EAF1: variants seen among roughly 807,000 people sequenced by gnomAD.
EAF1 encodes ELL associated factor 1.
EAF1 carries 19 observed loss-of-function variants against 26.6 expected under a neutral mutation model. That is an observed-to-expected ratio of 0.71 (90% CI 0.50 to 1.05). The LOEUF (loss-of-function observed/expected upper bound fraction) is 1.05. Ranked by LOEUF, EAF1 falls within the 50% of genes least tolerant of loss-of-function variation. The probability of loss-of-function intolerance (pLI) is 0.00; values close to 1 mark genes in which losing one functional copy is unlikely to be tolerated. For synonymous variants in EAF1, 102 were observed against 120.6 expected, an observed-to-expected ratio of 0.85 and a Z score of 1.01; for missense variants, 260 against 335.5, an observed-to-expected ratio of 0.78 and a Z score of 1.76.
intron 3 of EAF1, chr3:15,433,319 C>T (rs1293565945): frequency 2.0e-5 from 3 of 152,276 alleles, no homozygotes; most frequent in Non-Finnish European, 4.4e-5. Flanking sequence ...AGAGTCCTTG[C>T]TCCTGTCCTG....
At chr3:15,429,337 T>TA (rs942094805) in intron 1 of EAF1, among the ~76,000 whole-genome samples, 119 of 145,974 alleles carry the variant, frequency 8.2e-4, no homozygotes, top group African/African-American at 1.4e-3. Context: ...CCATCACTAT[T>TA]AAAAAAAAAA....
In EAF1 at chr3:15,435,558, A is replaced by G. The variant is rs138504994; in HGVS notation, c.527-784A>G. The stretch of plus-strand genomic sequence containing the variant: ...AATAGGAATCAGAGCATGAGTGGTT[A>G]GTTGTTGCCAATTATGCTTAAAGGA... On this transcript the variant is annotated intron_variant, in intron 4 of 5. Transcript: ENST00000396842. 4.6e-3 allele frequency among the ~76,000 whole-genome samples: 697 copies of G among 152,026 alleles called. 5 individuals are homozygous for G. The highest frequency in any genetic ancestry group is 0.016 in the African/African-American group (656 of 41,436).
chr3:15,438,308 A>T (rs1326887809), intron 5 of EAF1, among the ~76,000 whole-genome samples: 1 of 152,166 alleles, frequency 6.6e-6, no homozygotes, highest in Admixed American at 6.5e-5. Context: ...AAAGCACGTT[A>T]GTTCAGATTT....
chr3:15,429,768 A>G (rs1232661668), intron 1 of EAF1, 145 bp from the exon 2 acceptor site: 3 of 632,598 alleles, frequency 4.7e-6, no homozygotes, highest in East Asian at 2.9e-5. Flanking sequence ...GAAGTTTTCC[A>G]TAACGAAACA....
chr3:15,429,464 TAC>T, intron 1 of EAF1, among the ~76,000 whole-genome samples: 1 of 152,354 alleles, frequency 6.6e-6, no homozygotes, highest in Middle Eastern at 3.4e-3. Flanking sequence ...ATATAGAGTT[TAC>T]AGTCACAGAA....
chr3:15,433,079 G>C (rs919568665), intron 3 of EAF1: 2 of 151,796 alleles, frequency 1.3e-5, no homozygotes, highest in Non-Finnish European at 2.9e-5. Context: ...TTTTTAGAAA[G>C]GTGTTATTAT....
intron 3 of EAF1, 50 bp from the exon 4 acceptor site, chr3:15,434,298 G>C: frequency 1.3e-6 from 2 of 1,593,146 alleles, no homozygotes; most frequent in East Asian, 4.5e-5. Flanking sequence ...GGACAAATTT[G>C]AGAACCACTA....
At chr3:15,438,489 A>G (rs1048262254) in intron 5 of EAF1, among the ~76,000 whole-genome samples, 1 of 149,860 alleles carries the variant, frequency 6.7e-6, no homozygotes, top group Non-Finnish European at 1.5e-5. Flanking sequence ...CCGAATGGTG[A>G]TCAGTTATTT....
rs1288727175 is a variant in EAF1 at position 15,440,904 on chromosome 3, T to C, written c.*1749T>C. 6.6e-6 allele frequency: 1 copy of C among 152,638 alleles called. No homozygotes were observed. The highest frequency in any genetic ancestry group is 1.5e-5 in the Non-Finnish European group (1 of 68,036). 9.5% of individuals were successfully genotyped at this position (152,638 alleles called of 1,614,324 possible). A position where few individuals can be genotyped will look rare whatever the true frequency, so the allele number is the denominator to read the frequency against. On this transcript the variant is annotated 3_prime_UTR_variant, in exon 6 of 6. Transcript: ENST00000396842. ...TCAGGAGACTTGAATTGTTACTGGA[T>C]GTAGGAATTGTTTCACTGCTCTTAA... is the stretch of plus-strand genomic sequence containing the variant.
In EAF1 at chr3:15,434,434, C is replaced by T. The variant is rs2061822145; in HGVS notation, c.422C>T (p.Pro141Leu). The change falls in exon 4 of 6, where the codon CCA (proline) becomes CTA (leucine). Residue 141 changes from proline (P) to leucine (L), a missense_variant. By Grantham distance (98) the Pro-to-Leu change is moderately conservative. Transcript: ENST00000396842. Reference protein sequence around the residue: ...PQTSQPPPPPPPMPFRAPTKP... With the variant: ...PQTSQPPPPPLPMPFRAPTKP... ...ACGTCACAGCCACCACCACCTCCAC[C>T]ACCTATGCCATTCAGAGCTCCAACG... is the stretch of plus-strand genomic sequence containing the variant. 9 of 1,614,220 alleles carry T rather than the reference C, an allele frequency of 5.6e-6. No individual in the cohort carries two copies. The highest frequency in any genetic ancestry group is 6.8e-6 in the Non-Finnish European group (8 of 1,180,040).
intron 4 of EAF1, among the ~76,000 whole-genome samples, chr3:15,435,525 T>G (rs761496865): frequency 4.6e-5 from 7 of 152,120 alleles, no homozygotes; most frequent in Non-Finnish European, 8.8e-5. Context: ...AAGTTTTCAC[T>G]TAGGTTGAAT....
chr3:15,432,311 G>A (rs2061806732), intron 3 of EAF1, 88 bp downstream of exon 3: 1 of 1,509,458 alleles, frequency 6.6e-7, no homozygotes, highest in Non-Finnish European at 9.0e-7. Context: ...ACATCTGCTT[G>A]CTCATAGTGT....
In EAF1 at chr3:15,434,497, A is replaced by G. The variant is rs997266323; in HGVS notation, c.485A>G (p.Asp162Gly). ...GGACCCAAAACTTCTCCCTTGAAAG[A>G]TAACCCCTCACCTGAACCTCAGTTG... Reference protein sequence around the residue: ...PVGPKTSPLKDNPSPEPQLDD... With the variant: ...PVGPKTSPLKGNPSPEPQLDD... Residue 162 changes from aspartate to glycine, a missense_variant, in exon 4 of 6, where the codon GAT (aspartate) becomes GGT (glycine). Transcript: ENST00000396842. 1.2e-6 allele frequency: 2 copies of G among 1,614,092 alleles called. No homozygotes were observed. Among genetic ancestry groups the G allele is most frequent in the Non-Finnish European group, 1.7e-6 (2 of 1,180,048 alleles).
Position 15,440,852 on chromosome 3 carries a change from C to T in EAF1, c.*1697C>T, listed in dbSNP as rs1253206328. On this transcript the variant is annotated 3_prime_UTR_variant, in exon 6 of 6. Transcript: ENST00000396842. ...CTTTATAATTCCTTGGTAATGACAG[C>T]TCAGGGAAGGTTTCACAAGGTCATG... 2 of 152,528 alleles carry T rather than the reference C, an allele frequency of 1.3e-5. No homozygotes were observed. Among genetic ancestry groups the T allele is most frequent in the East Asian group, 3.8e-4 (2 of 5,196 alleles). The allele number at this position is 152,528 out of a possible 1,614,324, so 9.4% of individuals were successfully genotyped here. A position where few individuals can be genotyped will look rare whatever the true frequency, so the allele number is the denominator to read the frequency against.
chr3:15,439,011 T>C (rs967824059), intron 5 of EAF1, 98 bp from the exon 6 acceptor site: 82 of 1,154,428 alleles, frequency 7.1e-5, no homozygotes, highest in Non-Finnish European at 9.2e-5. Context: ...TGTAGTGTGA[T>C]AGCCAAGGCA....
chr3:15,433,009 G>T (rs1350010157), intron 3 of EAF1: 2 of 151,542 alleles, frequency 1.3e-5, no homozygotes, highest in East Asian at 3.9e-4. Flanking sequence ...TATTGAGGGG[G>T]TATCATGTCC....
At chr3:15,438,684 G>C (rs569306998) in intron 5 of EAF1, 4 of 157,562 alleles carry the variant, frequency 2.5e-5, no homozygotes, top group African/African-American at 7.2e-5. Flanking sequence ...CCCACTACAC[G>C]TGGCTGATTT....
At chr3:15,433,981 C>G (rs2061819098) in intron 3 of EAF1, among the ~76,000 whole-genome samples, 1 of 152,194 alleles carries the variant, frequency 6.6e-6, no homozygotes, top group Non-Finnish European at 1.5e-5. Flanking sequence ...GATGAAATCA[C>G]CTCATGATGC....
rs777059936 is a variant in EAF1 at position 15,434,397 on chromosome 3, C to T, written c.385C>T (p.Arg129Cys). 3.7e-6 allele frequency: 6 copies of T among 1,614,116 alleles called. No homozygotes were observed. Among genetic ancestry groups the T allele is most frequent in the African/African-American group, 1.3e-5 (1 of 74,942 alleles). Residue 129 changes from arginine (R) to cysteine (C), a missense_variant, in exon 4 of 6, where the codon CGT becomes TGT. Transcript: ENST00000396842. The stretch of plus-strand genomic sequence containing the variant: ...GGCCCGAATGGAACAGCAGCCCACT[C>T]GTCCTCCACAGACGTCACAGCCACC... ...IQARMEQQPTRPPQTSQPPPP... is the reference protein window; with the variant it reads ...IQARMEQQPTCPPQTSQPPPP...
Sources: allele counts gnomAD v4.1 joint callset (sites outside exome capture counted in the v4.1 genomes callset), GRCh38; gene constraint gnomAD v4.1.1; transcripts MANE v1.5; gene names NCBI Gene and HGNC (gene_info 2026-07-23, HGNC 2026-07-21).